Variants in RUSF1 observed in about 807,000 individuals in gnomAD.
The protein encoded by RUSF1 is RUS1 family protein C16orf58.
In RUSF1, 58 loss-of-function variants were observed where a neutral mutation model predicts 63.0. The observed-to-expected ratio is 0.92, with a 90% CI of 0.75 to 1.15. The LOEUF (loss-of-function observed/expected upper bound fraction) is 1.15, where lower values mean the gene tolerates loss of function less well. Among genes scored for constraint, RUSF1 ranks in the 50% most tolerant of loss-of-function variants. The probability of loss-of-function intolerance (pLI) is 0.00; values close to 1 mark genes in which losing one functional copy is unlikely to be tolerated. For synonymous variants in RUSF1, 274 were observed against 255.8 expected (o/e 1.07, Z -0.68); for missense variants, 652 against 611.0 (o/e 1.07, Z -0.71).
intron 5 of RUSF1, 45 bp downstream of exon 5, chr16:31,499,257 C>G (rs1246818905): frequency 6.6e-7 from 1 of 1,525,952 alleles, no homozygotes; most frequent in Admixed American, 1.7e-5. Context: ...CACACACTAC[C>G]AAGGCAGGTG....
intron 6 of RUSF1, among the ~76,000 whole-genome samples, chr16:31,495,773 T>C (rs529877680): frequency 7.2e-5 from 11 of 152,294 alleles, no homozygotes; most frequent in African/African-American, 1.9e-4. Flanking sequence ...GACCTCTCCA[T>C]GCTTTATTTC....
chr16:31,499,392 G>C lies in RUSF1; in HGVS notation c.510C>G (p.Ile170Met). ...CAAGGAACATGGCTACGTCATTGAG[G>C]ATGTCCGCAAAAAGCCTGGGGAGGG... ...NAKQWRLFAD[I>M]LNDVAMFLEI... The change falls in exon 5 of 13, where the codon ATC becomes ATG. Residue 170 changes from isoleucine (I) to methionine (M), a missense_variant. Ile to Met is a conservative substitution (Grantham distance 10). Transcript: ENST00000327237. The C allele has an allele frequency of 6.2e-7, 1 of 1,613,996 alleles. No homozygotes were observed. Among genetic ancestry groups the C allele is most frequent in the South Asian group, 1.1e-5 (1 of 91,074 alleles).
chr16:31,504,003 G>C (rs1229161443), intron 2 of RUSF1, among the ~76,000 whole-genome samples: 1 of 151,092 alleles, frequency 6.6e-6, no homozygotes, highest in African/African-American at 2.4e-5. Flanking sequence ...CTTTTTCTTT[G>C]AGACAGGGTC....
chr16:31,489,860 T>C lies in RUSF1; in HGVS notation c.*975A>G, dbSNP rs74015546. The stretch of plus-strand genomic sequence containing the variant: ...GCTACCATCTGGGTGTAGACAGACC[T>C]GAGCTGACAAAGCTGGGGGAGCAAG... On this transcript the variant is annotated 3_prime_UTR_variant, in exon 13 of 13. Transcript: ENST00000327237. 3,385 of 542,604 alleles carry C rather than the reference T, an allele frequency of 6.2e-3. 101 individuals are homozygous for C. The highest frequency in any genetic ancestry group is 0.057 in the African/African-American group (3,051 of 53,120). The allele number at this position is 542,604 out of a possible 1,614,324, so 33.6% of individuals were successfully genotyped here. A position where few individuals can be genotyped will look rare whatever the true frequency, so the allele number is the denominator to read the frequency against.
chr16:31,493,148 G>T, intron 9 of RUSF1, 100 bp from the exon 10 acceptor site: 1 of 1,254,668 alleles, frequency 8.0e-7, no homozygotes, highest in Non-Finnish European at 1.1e-6. Flanking sequence ...AATGATCCAG[G>T]CTTCACTCAG....
intron 3 of RUSF1, among the ~76,000 whole-genome samples, chr16:31,499,943 C>A (rs1335015384): frequency 6.6e-6 from 1 of 152,112 alleles, no homozygotes; most frequent in African/African-American, 2.4e-5. Flanking sequence ...ATGTTACAGA[C>A]AACTAGCCCT....
chr16:31,504,203 CTTTT>C (rs899663572), intron 2 of RUSF1, among the ~76,000 whole-genome samples: 2 of 146,670 alleles, frequency 1.4e-5, no homozygotes, highest in Non-Finnish European at 3.0e-5. Context: ...CCTGGCCTTT[CTTTT>C]TTTTTTTCAT....
In RUSF1 at chr16:31,496,879, C is replaced by T; in HGVS notation, c.672G>A (p.Met224Ile). ...TGCTGTCCTTGGCTGACACGTCAGC[C>T]ATGTTGTTCCTCCGAGCCTGGTGCA... The part of the protein sequence containing the change: ...LTVHQARRNN[M>I]ADVSAKDSSQ... Residue 224 changes from methionine to isoleucine, a missense_variant, in exon 6 of 13, where the codon ATG (methionine) becomes ATA (isoleucine). Physicochemically the swap from Met to Ile is conservative, Grantham distance 10. Transcript: ENST00000327237. 1 of 1,607,820 alleles carries T rather than the reference C, an allele frequency of 6.2e-7. No homozygotes were observed. The highest frequency in any genetic ancestry group is 1.1e-5 in the South Asian group (1 of 89,478).
intron 6 of RUSF1, among the ~76,000 whole-genome samples, chr16:31,495,323 G>C (rs2082596299): frequency 6.6e-6 from 1 of 152,170 alleles, no homozygotes; most frequent in Admixed American, 6.5e-5. Context: ...ATATGCTGTG[G>C]GAATAAACGC....
chr16:31,496,921 A>C lies in RUSF1; in HGVS notation c.630T>G (p.Thr210=). The change falls in exon 6 of 13, where the codon ACT becomes ACG. Residue 210 remains threonine (T), a synonymous_variant. Transcript: ENST00000327237. ...KCIVSVAGGA[T]RAALTVHQAR... ...CCTGGTGCACGGTCAGGGCAGCCCG[A>C]GTGGCCCCACCAGCAACACTCACGA... is the stretch of plus-strand genomic sequence containing the variant. 1 of 1,609,350 alleles carries C rather than the reference A, an allele frequency of 6.2e-7. No homozygotes were observed. The highest frequency in any genetic ancestry group is 8.5e-7 in the Non-Finnish European group (1 of 1,178,254).
chr16:31,493,106 A>G (rs755450758), intron 9 of RUSF1, 58 bp from the exon 10 acceptor site: 4 of 1,537,626 alleles, frequency 2.6e-6, no homozygotes, highest in Non-Finnish European at 3.6e-6. Context: ...GGCATGCCCA[A>G]CCAGCCACTG....
At chr16:31,501,689 G>A (rs566477627) in intron 2 of RUSF1, among the ~76,000 whole-genome samples, 5 of 152,130 alleles carry the variant, frequency 3.3e-5, no homozygotes, top group Admixed American at 2.6e-4. Context: ...GAAGTCTCTG[G>A]AATCAGTGGG....
chr16:31,508,218 A>G lies in RUSF1; in HGVS notation c.156T>C (p.Pro52=), dbSNP rs369829351. The part of the protein sequence containing the change: ...WGLSRAFTVK[P]EGRDAGEVGA... ...CCACTTCGCCCGCATCTCGTCCTTCAGGTTTGACCGTGAAGGCCCTGGAGA... is the reference window on the plus strand; with the variant it reads ...CCACTTCGCCCGCATCTCGTCCTTCGGGTTTGACCGTGAAGGCCCTGGAGA... Residue 52 remains proline (P), a synonymous_variant, in exon 1 of 13, where the codon CCT becomes CCC. Coordinates refer to ENST00000327237, the MANE Select transcript of RUSF1 (RefSeq NM_022744.4). The G allele has an allele frequency of 6.4e-7, 1 of 1,564,710 alleles. No homozygotes were observed. The highest frequency in any genetic ancestry group is 8.7e-7 in the Non-Finnish European group (1 of 1,154,886).
intron 5 of RUSF1, among the ~76,000 whole-genome samples, chr16:31,498,931 G>A (rs927545498): frequency 2.0e-5 from 3 of 152,178 alleles, no homozygotes; most frequent in African/African-American, 7.2e-5. Context: ...ATTATGTGTG[G>A]TTTCCTTTCA....
intron 12 of RUSF1, among the ~76,000 whole-genome samples, 180 bp from the exon 13 acceptor site, chr16:31,491,112 G>A (rs1380429568): frequency 6.6e-6 from 1 of 152,202 alleles, no homozygotes; most frequent in African/African-American, 2.4e-5. Flanking sequence ...ATGGCACACA[G>A]AAGAGCGCTG....
At chr16:31,504,110 G>A (rs2082645947) in intron 2 of RUSF1, among the ~76,000 whole-genome samples, 2 of 152,036 alleles carry the variant, frequency 1.3e-5, no homozygotes, top group Non-Finnish European at 2.9e-5. Flanking sequence ...ATATTGGCCA[G>A]GGTGGTGTCC....
Position 31,489,977 on chromosome 16 carries a change from TG to T in RUSF1, c.*857del. On this transcript the variant is annotated 3_prime_UTR_variant, in exon 13 of 13. Transcript: ENST00000327237. The stretch of plus-strand genomic sequence containing the variant: ...GGGTGGAGTTGGCATGAGTTAAGCC[TG>T]GGCTGGGTGTGTAGACTGGACAGAG... 7.7e-7 allele frequency: 1 copy of T among 1,291,526 alleles called. No homozygotes were observed. The highest frequency in any genetic ancestry group is 1.1e-6 in the Non-Finnish European group (1 of 910,828). The allele number at this position is 1,291,526 out of a possible 1,614,324, so 80.0% of individuals were successfully genotyped here.
Position 31,493,686 on chromosome 16 carries a change from A to G in RUSF1, c.875T>C (p.Leu292Pro). ...AAGGTAGTGCTTCAGGACCAGCCGG[A>G]GCCGGCCTTCGTTCAAGGTCTCCAT... ...LVMETLNEGR[L>P]RLVLKHYLQR... Residue 292 changes from leucine (L) to proline (P), a missense_variant, in exon 8 of 13, where the codon CTC (leucine) becomes CCC (proline). Physicochemically the swap from Leu to Pro is moderately conservative, Grantham distance 98. Coordinates refer to ENST00000327237, the MANE Select transcript of RUSF1 (RefSeq NM_022744.4). 1 of 1,614,240 alleles carries G rather than the reference A, an allele frequency of 6.2e-7. No individual in the cohort carries two copies. Among genetic ancestry groups the G allele is most frequent in the Non-Finnish European group, 8.5e-7 (1 of 1,180,038 alleles).
chr16:31,506,751 C>A (rs540874084), intron 2 of RUSF1, among the ~76,000 whole-genome samples: 2 of 152,072 alleles, frequency 1.3e-5, no homozygotes, highest in Non-Finnish European at 2.9e-5. Context: ...CCACTGCACT[C>A]CTGCATCCCA....
Sources: gnomAD v4.1 joint callset for allele counts (sites outside exome capture counted in the v4.1 genomes callset) on GRCh38, gnomAD v4.1.1 for gene constraint, MANE v1.5 for transcripts, NCBI Gene and HGNC (gene_info 2026-07-23, HGNC 2026-07-21) for gene names.